TBCD: variants seen among roughly 807,000 people sequenced by gnomAD.
TBCD encodes tubulin folding cofactor D, also known as tubulin-specific chaperone D.
A neutral mutation model predicts 169.3 loss-of-function variants in TBCD; 105 were observed. That is an observed-to-expected ratio of 0.62 (90% confidence interval 0.53 to 0.73). The LOEUF (loss-of-function observed/expected upper bound fraction) is 0.73, where lower values mean the gene tolerates loss of function less well. Among genes scored for constraint, TBCD ranks in the 30% least tolerant of loss-of-function variants. TBCD has a pLI of 0.00. For synonymous variants in TBCD, 700 were observed against 643.9 expected, an observed-to-expected ratio of 1.09 and a Z score of -1.32; for missense variants, 1,444 against 1,600.1, an observed-to-expected ratio of 0.90 and a Z score of 1.66.
At chr17:82,823,792 G>A (rs2052603758) in intron 13 of TBCD, among the ~76,000 whole-genome samples, 1 of 152,190 alleles carries the variant, frequency 6.6e-6, no homozygotes, top group Middle Eastern at 3.4e-3. Context: ...GGCAAAATAT[G>A]TATAACAAAT....
rs10163502 is a variant in TBCD, at chr17:82,833,220, A to T, written c.1318+18286A>T. On this transcript the variant is annotated intron_variant, in intron 13 of 38. Coordinates refer to ENST00000355528, the MANE Select transcript of TBCD (RefSeq NM_005993.5). The surrounding 1 kb of genome is among the most constrained non-coding windows in gnomAD (Gnocchi z 4.7). ...ACAGAGCGTGGGCTGGCCACCGTCTACTTGCTCCTACCTGCTGGCTGGGAG... is the reference window on the plus strand; with the variant it reads ...ACAGAGCGTGGGCTGGCCACCGTCTTCTTGCTCCTACCTGCTGGCTGGGAG... 6.6e-6 allele frequency among the ~76,000 whole-genome samples: 1 copy of T among 151,788 alleles called. No homozygotes were observed. Among genetic ancestry groups the T allele is most frequent in the Admixed American group, 6.6e-5 (1 of 15,250 alleles).
chr17:82,917,639 G>A (rs2061145586), intron 23 of TBCD, among the ~76,000 whole-genome samples: 1 of 152,302 alleles, frequency 6.6e-6, no homozygotes, highest in Admixed American at 6.5e-5. Flanking sequence ...GCTTGCTGTC[G>A]GGGTCACCTC....
At chr17:82,776,996 C>T (rs927444518) in intron 6 of TBCD, among the ~76,000 whole-genome samples, 12 of 152,096 alleles carry the variant, frequency 7.9e-5, no homozygotes, top group African/African-American at 2.9e-4. Flanking sequence ...TTCTTCCCCA[C>T]GAGTGTGAGT....
intron 7 of TBCD, among the ~76,000 whole-genome samples, chr17:82,783,096 AG>A (rs539963733): frequency 0.043 from 1,429 of 33,014 alleles, 85 homozygotes; most frequent in Admixed American, 0.31. Context: ...AGCTGGGTGG[AG>A]GGGGGCTGTG....
In TBCD at chr17:82,944,059, GAAGGAAC is replaced by G. The variant is rs935802200; in HGVS notation, c.*1600_*1606del. ...GCTGGCCTGGGATGCACTGAGGATG[GAAGGAAC>G]AAGTGGCTTCTGAGAAAAACATGAT... On this transcript the variant is annotated 3_prime_UTR_variant, in exon 39 of 39. Transcript: ENST00000355528. 2.6e-5 allele frequency: 4 copies of G among 152,270 alleles called. No individual in the cohort carries two copies. The highest frequency in any genetic ancestry group is 6.5e-5 in the Admixed American group (1 of 15,286). 9.4% of individuals were successfully genotyped at this position (152,270 alleles called of 1,614,324 possible).
chr17:82,787,022 C>T (rs942883907), intron 7 of TBCD, among the ~76,000 whole-genome samples: 3 of 152,120 alleles, frequency 2.0e-5, no homozygotes, highest in African/African-American at 7.2e-5. Flanking sequence ...CAAAGTCAAA[C>T]CAGCCAGGAG....
chr17:82,755,072 A>G (rs1163262239), intron 1 of TBCD, among the ~76,000 whole-genome samples: 1 of 152,240 alleles, frequency 6.6e-6, no homozygotes, highest in African/African-American at 2.4e-5. Flanking sequence ...TGTAAGATGT[A>G]CATTGGTCTC....
rs974553129 is a variant in TBCD, at chr17:82,930,148, G to A, written c.2992-374G>A. The A allele has an allele frequency of 3.8e-5, 11 of 287,928 alleles. No individual in the cohort carries two copies. Among genetic ancestry groups the A allele is most frequent in the Non-Finnish European group, 6.0e-5 (9 of 150,114 alleles). The allele number at this position is 287,928 out of a possible 1,614,324, so 17.8% of individuals were successfully genotyped here. The stretch of plus-strand genomic sequence containing the variant: ...CGTGCGGGCGCGTGCGGGGAGACCC[G>A]GGCCACATGCGAGCGGGGCCCCGAG... On this transcript the variant is annotated intron_variant, in intron 32 of 38. Transcript: ENST00000355528. This position sits in a 1 kb window ranked among gnomAD's most constrained non-coding sequence, Gnocchi z 5.2.
intron 9 of TBCD, 47 bp from the exon 10 acceptor site, chr17:82,805,828 A>T (rs1307271190): frequency 6.4e-6 from 10 of 1,570,968 alleles, no homozygotes; most frequent in Non-Finnish European, 7.8e-6. Context: ...AGTCATCAGG[A>T]TGCTGTGAGC....
In TBCD at chr17:82,923,388, C is replaced by T. The variant is rs924960086; in HGVS notation, c.2179-264C>T. 1.3e-5 allele frequency among the ~76,000 whole-genome samples: 2 copies of T among 152,136 alleles called. No individual in the cohort carries two copies. Among genetic ancestry groups the T allele is most frequent in the African/African-American group, 2.4e-5 (1 of 41,444 alleles). On this transcript the variant is annotated intron_variant, in intron 25 of 38. Coordinates refer to ENST00000355528, the MANE Select transcript of TBCD (RefSeq NM_005993.5). This position sits in a 1 kb window ranked among gnomAD's most constrained non-coding sequence, Gnocchi z 4.6. ...TTTGGTTCGAAAGTCATTGCTGTGC[C>T]GAGATCTCAGGGTGACCCGCTGTGT...
At chr17:82,902,113 G>A (rs1187678157) in intron 18 of TBCD, among the ~76,000 whole-genome samples, 1 of 152,122 alleles carries the variant, frequency 6.6e-6, no homozygotes, top group Non-Finnish European at 1.5e-5. Flanking sequence ...CTTATTGGAG[G>A]CAGATACACT....
At chr17:82,839,048 A>G (rs976122268) in intron 13 of TBCD, 1 of 897,354 alleles carries the variant, frequency 1.1e-6, no homozygotes, top group African/African-American at 1.8e-5. Flanking sequence ...TATGTACAGA[A>G]GACCTTAACA....
intron 12 of TBCD, among the ~76,000 whole-genome samples, chr17:82,811,750 C>T (rs2051458905): frequency 1.3e-5 from 2 of 152,206 alleles, no homozygotes; most frequent in African/African-American, 4.8e-5. Context: ...TGTCTGAAGA[C>T]ACCAGGAAGC....
chr17:82,855,260 T>TAAA (rs2056168344), intron 13 of TBCD, among the ~76,000 whole-genome samples: 1 of 132,684 alleles, frequency 7.5e-6, no homozygotes, highest in Non-Finnish European at 1.6e-5. Context: ...TTTTTTTTTT[T>TAAA]TTTTTTTTTT....
At chr17:82,854,212 T>A (rs1281787450) in intron 13 of TBCD, among the ~76,000 whole-genome samples, 11 of 152,232 alleles carry the variant, frequency 7.2e-5, no homozygotes, top group Admixed American at 7.2e-4. Flanking sequence ...AACCGAAAAC[T>A]TTTTGAATGC....
intron 13 of TBCD, among the ~76,000 whole-genome samples, chr17:82,818,798 G>A (rs1266694543): frequency 3.3e-5 from 5 of 152,078 alleles, no homozygotes; most frequent in Non-Finnish European, 5.9e-5. Flanking sequence ...TGGGCACGGC[G>A]GCTCATGCCT....
chr17:82,938,544 T>C (rs998597982), intron 36 of TBCD, among the ~76,000 whole-genome samples: 1 of 152,238 alleles, frequency 6.6e-6, no homozygotes, highest in African/African-American at 2.4e-5. Flanking sequence ...AAGGTGACAT[T>C]TTCCTAAAAG....
chr17:82,830,336 C>G, intron 13 of TBCD: 1 of 1,613,926 alleles, frequency 6.2e-7, no homozygotes, highest in Non-Finnish European at 8.5e-7. Context: ...CAGGCAGGTT[C>G]CGGGGCCGCA....
In TBCD at chr17:82,835,292, G is replaced by A. The variant is rs573491203; in HGVS notation, c.1318+20358G>A. On this transcript the variant is annotated intron_variant, in intron 13 of 38. Coordinates refer to ENST00000355528, the MANE Select transcript of TBCD (RefSeq NM_005993.5). This position sits in a 1 kb window ranked among gnomAD's most constrained non-coding sequence, Gnocchi z 4.5. ...GGCGCCACCCCTCCTCCCTGCACCC[G>A]TGTCCTTCCTCCCACACGCCAGGGG... is the stretch of plus-strand genomic sequence containing the variant. Among the ~76,000 whole-genome samples the A allele has an allele frequency of 3.9e-5, 6 of 152,156 alleles. No homozygotes were observed. Among genetic ancestry groups the A allele is most frequent in the Non-Finnish European group, 8.8e-5 (6 of 68,018 alleles).
Sources: allele counts gnomAD v4.1 joint callset (sites outside exome capture counted in the v4.1 genomes callset), GRCh38; gene constraint gnomAD v4.1.1; non-coding constraint Gnocchi (gnomAD v3.1); transcripts MANE v1.5; gene names NCBI Gene and HGNC (gene_info 2026-07-23, HGNC 2026-07-21).